UBE2E1: variants seen among roughly 807,000 people sequenced by gnomAD.
UBE2E1 encodes ubiquitin-conjugating enzyme E2 E1.
In UBE2E1, 6 loss-of-function variants were observed where a neutral mutation model predicts 21.4. The observed-to-expected ratio is 0.28, with a 90% CI of 0.15 to 0.55. UBE2E1 has a LOEUF of 0.55. Ranked by LOEUF, UBE2E1 falls within the 20% of genes least tolerant of loss-of-function variation. The probability of loss-of-function intolerance (pLI) is 0.93; values close to 1 mark genes in which losing one functional copy is unlikely to be tolerated. For missense variants in UBE2E1, 142 were observed against 236.5 expected (o/e 0.60, Z 2.62); for synonymous variants, 87 against 82.7 (o/e 1.05, Z -0.28).
At chr3:23,871,653 A>G (rs937521463) in intron 3 of UBE2E1, among the ~76,000 whole-genome samples, 41 of 149,710 alleles carry the variant, frequency 2.7e-4, no homozygotes, top group African/African-American at 1.0e-3. Flanking sequence ...CTCGCTTCTC[A>G]GATGGGGCGG....
chr3:23,835,560 C>T (rs1050389539), intron 3 of UBE2E1, among the ~76,000 whole-genome samples: 1 of 151,720 alleles, frequency 6.6e-6, no homozygotes, highest in Non-Finnish European at 1.5e-5. Context: ...TAAAACAAAA[C>T]TCAGAAGCCA....
intron 3 of UBE2E1, among the ~76,000 whole-genome samples, chr3:23,856,425 G>GC (rs1424752379): frequency 6.6e-6 from 1 of 152,286 alleles, no homozygotes; most frequent in South Asian, 2.1e-4. Flanking sequence ...TAAAACATTA[G>GC]CCTTCTCTCC....
Position 23,808,984 on chromosome 3 carries a change from C to G in UBE2E1, c.152+1563C>G, listed in dbSNP as rs1247678463. ...AGACACAGGTATCAAATAGAAAATA[C>G]TCTGCTTTTGTTGTGAGTGAATTAC... On this transcript the variant is annotated intron_variant, in intron 2 of 5. Coordinates refer to ENST00000306627, the MANE Select transcript of UBE2E1 (RefSeq NM_003341.5). This position sits in a 1 kb window ranked among gnomAD's most constrained non-coding sequence, Gnocchi z 4.9. 6.6e-6 allele frequency: 1 copy of G among 152,138 alleles called. No homozygotes were observed. The highest frequency in any genetic ancestry group is 2.4e-5 in the African/African-American group (1 of 41,442). 9.4% of individuals were successfully genotyped at this position (152,138 alleles called of 1,614,324 possible). A position where few individuals can be genotyped will look rare whatever the true frequency, so the allele number is the denominator to read the frequency against.
chr3:23,821,858 A>C lies in UBE2E1; in HGVS notation c.203+10348A>C, dbSNP rs142614515. Among the ~76,000 whole-genome samples, 4 of 152,312 alleles carry C rather than the reference A, an allele frequency of 2.6e-5. No individual in the cohort carries two copies. The East Asian group carries it at 7.7e-4, about 29-fold the overall frequency. ...TGAAATCTGTTCCCATGAGGCATCC[A>C]AATGAAGGTGTCAAAAATAAGTTAG... is the stretch of plus-strand genomic sequence containing the variant. On this transcript the variant is annotated intron_variant, in intron 3 of 5. Coordinates refer to ENST00000306627, the MANE Select transcript of UBE2E1 (RefSeq NM_003341.5).
chr3:23,813,086 C>G (rs1265449584), intron 3 of UBE2E1, among the ~76,000 whole-genome samples: 1 of 151,882 alleles, frequency 6.6e-6, no homozygotes, highest in Non-Finnish European at 1.5e-5. Flanking sequence ...GCATGTGGAA[C>G]TTTTTTATCT....
intron 3 of UBE2E1, among the ~76,000 whole-genome samples, chr3:23,852,841 G>A (rs1333027409): frequency 6.6e-6 from 1 of 152,114 alleles, no homozygotes; most frequent in Admixed American, 6.5e-5. Context: ...CTGGGTTCAA[G>A]TGATCCTCCC....
intron 3 of UBE2E1, among the ~76,000 whole-genome samples, chr3:23,880,826 A>C (rs1218226336): frequency 6.6e-6 from 1 of 152,232 alleles, no homozygotes; most frequent in Non-Finnish European, 1.5e-5. Context: ...AACAGATTCT[A>C]GTAAGACTGT....
intron 3 of UBE2E1, among the ~76,000 whole-genome samples, chr3:23,822,855 C>A (rs189159521): frequency 0.017 from 2,534 of 147,526 alleles, 67 homozygotes; most frequent in African/African-American, 0.061. Context: ...CCCCCGCCAC[C>A]GCCCTTCCAG....
rs763335259 is a variant in UBE2E1 at position 23,889,122 on chromosome 3, G to A, written c.347G>A (p.Arg116Gln). 3 of 1,585,730 alleles carry A rather than the reference G, an allele frequency of 1.9e-6. No individual in the cohort carries two copies. Among genetic ancestry groups the A allele is most frequent in the Non-Finnish European group, 1.7e-6 (2 of 1,169,148 alleles). Residue 116 changes from arginine (R) to glutamine (Q), a missense_variant, in exon 5 of 6, where the codon CGG becomes CAG. Arg to Gln is a conservative substitution (Grantham distance 43, BLOSUM62 1). This residue lies in a region of UBE2E1 where 87 missense variants were observed against 184.9 expected (regional missense o/e 0.47). Transcript: ENST00000306627. ...ACTTGTTTTTTTTAGGTTACATTTC[G>A]GACAAGAATCTATCATTGTAATATT... Reference protein sequence around the residue: ...YPFKPPKVTFRTRIYHCNINS... With the variant: ...YPFKPPKVTFQTRIYHCNINS...
intron 2 of UBE2E1, 100 bp from the exon 3 acceptor site, chr3:23,811,360 G>T: frequency 9.0e-7 from 1 of 1,109,018 alleles, no homozygotes. Flanking sequence ...AGAATCCAGT[G>T]ATCGCGCTTA....
rs374341550 is a variant in UBE2E1 at position 23,826,677 on chromosome 3, A to G, written c.203+15167A>G. ...GACTATGGAGGGAGAATGCTTTCCA[A>G]TTTTCTTGATTTGGTAGATACTTTT... On this transcript the variant is annotated intron_variant, in intron 3 of 5. Coordinates refer to ENST00000306627, the MANE Select transcript of UBE2E1 (RefSeq NM_003341.5). Among the ~76,000 whole-genome samples, 89 of 152,058 alleles carry G rather than the reference A, an allele frequency of 5.9e-4. 1 individual carries two copies. Among genetic ancestry groups the G allele is most frequent in the African/African-American group, 2.0e-3 (83 of 41,468 alleles).
At chr3:23,859,755 G>T (rs571781142) in intron 3 of UBE2E1, among the ~76,000 whole-genome samples, 1 of 152,166 alleles carries the variant, frequency 6.6e-6, no homozygotes, top group Non-Finnish European at 1.5e-5. Context: ...TTCATTGAGG[G>T]TAAACTGTCT....
Position 23,816,702 on chromosome 3 carries a change from A to G in UBE2E1, c.203+5192A>G, listed in dbSNP as rs768969023. Reference sequence around the variant, plus strand: ...AGCCTGGGCAACAAAGCGAGGCTCCATCTCAAAAAAAAAGGTTATACTAAG... The same window carrying G: ...AGCCTGGGCAACAAAGCGAGGCTCCGTCTCAAAAAAAAAGGTTATACTAAG... On this transcript the variant is annotated intron_variant, in intron 3 of 5. Transcript: ENST00000306627. The surrounding 1 kb of genome is among the most constrained non-coding windows in gnomAD (Gnocchi z 4.8). 1.3e-5 allele frequency among the ~76,000 whole-genome samples: 2 copies of G among 151,886 alleles called. No individual in the cohort carries two copies. Among genetic ancestry groups the G allele is most frequent in the Non-Finnish European group, 2.9e-5 (2 of 67,964 alleles).
intron 3 of UBE2E1, among the ~76,000 whole-genome samples, chr3:23,817,666 G>C (rs747372965): frequency 7.2e-5 from 11 of 152,142 alleles, no homozygotes; most frequent in Non-Finnish European, 1.3e-4. Flanking sequence ...TCATGGAAGA[G>C]GTGAGAAGTG....
chr3:23,815,801 A>G (rs1196937110), intron 3 of UBE2E1, among the ~76,000 whole-genome samples: 2 of 152,268 alleles, frequency 1.3e-5, no homozygotes, highest in East Asian at 1.9e-4. Context: ...TCCTTTTAGC[A>G]TCTTTCATTT....
intron 3 of UBE2E1, among the ~76,000 whole-genome samples, chr3:23,850,541 T>C (rs1700299394): frequency 1.3e-5 from 2 of 151,450 alleles, no homozygotes; most frequent in Non-Finnish European, 2.9e-5. Flanking sequence ...TTTTTTGAGA[T>C]AGGGTCTTGT....
At chr3:23,882,304 A>G (rs943871484) in intron 3 of UBE2E1, among the ~76,000 whole-genome samples, 6 of 152,192 alleles carry the variant, frequency 3.9e-5, no homozygotes, top group African/African-American at 7.2e-5. Flanking sequence ...GCTAGACACA[A>G]AAGTTCTCCA....
intron 3 of UBE2E1, among the ~76,000 whole-genome samples, chr3:23,867,116 G>A (rs1388470985): frequency 7.2e-6 from 1 of 138,788 alleles, no homozygotes; most frequent in African/African-American, 2.7e-5. Flanking sequence ...TCTTTATTTT[G>A]TATTACTTTC....
At chr3:23,871,257 G>T (rs1000272125) in intron 3 of UBE2E1, among the ~76,000 whole-genome samples, 1 of 125,184 alleles carries the variant, frequency 8.0e-6, no homozygotes, top group Non-Finnish European at 1.7e-5. Context: ...GGGGCGGCCG[G>T]GCAGAGGCGC....
Sources: allele counts gnomAD v4.1 joint callset (sites outside exome capture counted in the v4.1 genomes callset), GRCh38; gene constraint gnomAD v4.1.1; regional missense constraint gnomAD v4.1.1; non-coding constraint Gnocchi (gnomAD v3.1); transcripts MANE v1.5; gene names NCBI Gene and HGNC (gene_info 2026-07-23, HGNC 2026-07-21).